Variants in IK observed in about 807,000 individuals in gnomAD.
IK encodes protein Red.
In IK, 47 loss-of-function variants were observed where a neutral mutation model predicts 90.9. The ratio of observed to expected loss-of-function variants is 0.52; its 90% confidence interval spans 0.41 to 0.66. IK has a LOEUF of 0.66. Among genes scored for constraint, IK ranks in the 30% least tolerant of loss-of-function variants. IK has a pLI of 0.00. For missense variants in IK, 385 were observed against 709.3 expected (o/e 0.54, Z 5.19); for synonymous variants, 201 against 227.5 (o/e 0.88, Z 1.05).
rs1007724119 is a variant in IK at position 140,657,494 on chromosome 5, T to G, written c.802-60T>G. ...GTCTTTAGTTTGTTAAGTGAATGAA[T>G]GAATAAATGAAGAGATTTCTGCTGA... On this transcript the variant is annotated intron_variant, in intron 9 of 19. Transcript: ENST00000417647. 1.3e-5 allele frequency: 15 copies of G among 1,153,672 alleles called. No individual in the cohort carries two copies. In the African/African-American group the frequency reaches 2.3e-4, roughly 18 times the overall value. The allele number at this position is 1,153,672 out of a possible 1,614,324, so 71.5% of individuals were successfully genotyped here. A position where few individuals can be genotyped will look rare whatever the true frequency, so the allele number is the denominator to read the frequency against.
intron 2 of IK, among the ~76,000 whole-genome samples, chr5:140,649,167 A>C (rs1581479214): frequency 6.7e-6 from 1 of 148,494 alleles, no homozygotes; most frequent in East Asian, 2.0e-4. Flanking sequence ...TAACATCCCC[A>C]ATTCCAGTCC....
chr5:140,660,410 G>A lies in IK; in HGVS notation c.1355+215G>A, dbSNP rs1757785756. On this transcript the variant is annotated intron_variant, in intron 15 of 19. Coordinates refer to ENST00000417647, the MANE Select transcript of IK (RefSeq NM_006083.4). ...TCTCCCGGGTTCAAGCGATTCTCCT[G>A]CCTCACCCTCCCAAGTAGCTGGGAT... 5.6e-6 allele frequency: 3 copies of A among 536,494 alleles called. No homozygotes were observed. In the South Asian group the frequency reaches 6.8e-5, roughly 12 times the overall value. The allele number at this position is 536,494 out of a possible 1,614,324, so 33.2% of individuals were successfully genotyped here.
rs79493817 is a variant in IK at position 140,651,438 on chromosome 5, T to TAAA, written c.84-261_84-259dup. 7.6e-3 allele frequency among the ~76,000 whole-genome samples: 848 copies of TAAA among 111,936 alleles called. 5 individuals carry two copies. The highest frequency in any genetic ancestry group is 0.025 in the Middle Eastern group (4 of 162). The allele number at this position is 111,936 out of a possible 152,430, so 73.4% of individuals were successfully genotyped here. On this transcript the variant is annotated intron_variant, in intron 2 of 19. Coordinates refer to ENST00000417647, the MANE Select transcript of IK (RefSeq NM_006083.4). ...GGGGCAACAGAGGGAGACTCTGTCT[T>TAAA]AAAAAAAAAAAAAAAAAGCTGGGTG...
At position 140,661,151 on chromosome 5, in the gene IK, A is replaced by G; in HGVS notation, c.1413+336A>G. The G allele has an allele frequency of 6.5e-6, 2 of 308,270 alleles. No individual in the cohort carries two copies. Among genetic ancestry groups the G allele is most frequent in the Non-Finnish European group, 1.2e-5 (2 of 169,108 alleles). The allele number at this position is 308,270 out of a possible 1,614,324, so 19.1% of individuals were successfully genotyped here. A position where few individuals can be genotyped will look rare whatever the true frequency, so the allele number is the denominator to read the frequency against. On this transcript the variant is annotated intron_variant, in intron 16 of 19. Coordinates refer to ENST00000417647, the MANE Select transcript of IK (RefSeq NM_006083.4). This position sits in a 1 kb window ranked among gnomAD's most constrained non-coding sequence, Gnocchi z 4.2. ...TTGGAAAATAACTAAATTTTATTCT[A>G]GCCAGGATTGAAGTTTTCCTCTAAG...
In IK at chr5:140,648,472, T is replaced by G. The variant is rs1757537554; in HGVS notation, c.18T>G (p.Ser6Arg). 5 of 1,613,872 alleles carry G rather than the reference T, an allele frequency of 3.1e-6. No individual in the cohort carries two copies. The highest frequency in any genetic ancestry group is 4.2e-6 in the Non-Finnish European group (5 of 1,179,852). ...ATTAACGTCAATTTTTTTTGTCAGG[T>G]GAGCCGTTCTCCAACCCTTTGGCCC... MPERD[S>R]EPFSNPLAPD... Residue 6 changes from serine to arginine, a missense_variant and splice_region_variant, in exon 2 of 20, where the codon AGT becomes AGG. Around this residue, in one of 8 missense-constraint regions of IK, gnomAD observed 42 missense variants for 37.9 expected, o/e 1.11. Coordinates refer to ENST00000417647, the MANE Select transcript of IK (RefSeq NM_006083.4).
chr5:140,657,142 G>T (rs1220152610), intron 9 of IK, among the ~76,000 whole-genome samples: 1 of 152,226 alleles, frequency 6.6e-6, no homozygotes, highest in Admixed American at 6.5e-5. Context: ...GGTGGAGGTT[G>T]CAGTGAGCCA....
chr5:140,648,598 G>T (rs1368255185), intron 2 of IK, 61 bp downstream of exon 2: 4 of 1,448,866 alleles, frequency 2.8e-6, no homozygotes, highest in Non-Finnish European at 3.9e-6. Flanking sequence ...AAGTGGTGGT[G>T]ATGGTGAAAG....
rs190172827 is a variant in IK at position 140,658,610 on chromosome 5, G to A, written c.911-127G>A. 5.1e-3 allele frequency: 3,973 copies of A among 777,960 alleles called. 20 individuals are homozygous for A. Among genetic ancestry groups the A allele is most frequent in the Admixed American group, 7.9e-3 (367 of 46,724 alleles). The allele number at this position is 777,960 out of a possible 1,614,324, so 48.2% of individuals were successfully genotyped here. On this transcript the variant is annotated intron_variant, in intron 10 of 19. Transcript: ENST00000417647. ...GCTGGGATTACAGGCGTGAGCCACCGCACCCAGCCTTGACCCACGTTTTAA... is the reference window on the plus strand; with the variant it reads ...GCTGGGATTACAGGCGTGAGCCACCACACCCAGCCTTGACCCACGTTTTAA...
chr5:140,651,851 C>T (rs1337237245), intron 3 of IK, 45 bp downstream of exon 3: 4 of 1,215,550 alleles, frequency 3.3e-6, no homozygotes, highest in African/African-American at 3.0e-5. Flanking sequence ...TTGTTTCTTG[C>T]TCCTTCCTAT....
intron 6 of IK, 39 bp from the exon 7 acceptor site, chr5:140,654,477 A>G (rs1445724127): frequency 2.0e-6 from 3 of 1,494,780 alleles, no homozygotes; most frequent in Non-Finnish European, 2.7e-6. Flanking sequence ...CAATAAATAT[A>G]TAAAATGAGT....
At chr5:140,654,491 C>T (rs1023388128) in intron 6 of IK, 25 bp from the exon 7 acceptor site, 1 of 1,561,394 alleles carries the variant, frequency 6.4e-7, no homozygotes, top group Non-Finnish European at 8.7e-7. Flanking sequence ...AATGAGTGTC[C>T]TAACCCTGCT....
chr5:140,660,013 C>T, intron 14 of IK, 102 bp from the exon 15 acceptor site: 1 of 1,066,032 alleles, frequency 9.4e-7, no homozygotes, highest in Non-Finnish European at 1.4e-6. Context: ...ACAGCCCACT[C>T]AGAATTTTCA....
At chr5:140,651,070 T>C (rs1474624330) in intron 2 of IK, among the ~76,000 whole-genome samples, 2 of 152,180 alleles carry the variant, frequency 1.3e-5, no homozygotes, top group African/African-American at 4.8e-5. Flanking sequence ...TCATCAGCAT[T>C]ATATGAGAGA....
At chr5:140,654,151 G>C (rs1757667216) in intron 6 of IK, 99 bp downstream of exon 6, 2 of 729,146 alleles carry the variant, frequency 2.7e-6, no homozygotes, top group Admixed American at 4.7e-5. Context: ...AGTTCAGACT[G>C]AGTAGAAGAA....
At chr5:140,657,933 G>C (rs1263491871) in intron 10 of IK, among the ~76,000 whole-genome samples, 2 of 152,184 alleles carry the variant, frequency 1.3e-5, no homozygotes, top group Admixed American at 6.5e-5. Flanking sequence ...GAGATTTTTT[G>C]GTGAAAACCA....
In IK at chr5:140,654,997, A is replaced by G. The variant is rs183008901; in HGVS notation, c.637+270A>G. On this transcript the variant is annotated intron_variant, in intron 8 of 19. Coordinates refer to ENST00000417647, the MANE Select transcript of IK (RefSeq NM_006083.4). ...GCTAATTTTTTTTTTTATTTTTTGC[A>G]GAGATGGGGTTCTCTGTGTATTGCC... is the stretch of plus-strand genomic sequence containing the variant. Among the ~76,000 whole-genome samples, 411 of 151,670 alleles carry G rather than the reference A, an allele frequency of 2.7e-3. 2 individuals are homozygous for G. Among genetic ancestry groups the G allele is most frequent in the African/African-American group, 9.6e-3 (396 of 41,344 alleles).
chr5:140,651,667 A>G, intron 2 of IK, 47 bp from the exon 3 acceptor site: 2 of 918,206 alleles, frequency 2.2e-6, no homozygotes, highest in Non-Finnish European at 3.5e-6. Context: ...TTCCTTTTTC[A>G]TTTCTTATTG....
In IK at chr5:140,653,928, C is replaced by G. The variant is rs768376234; in HGVS notation, c.405-10C>G. On this transcript the variant is annotated splice_polypyrimidine_tract_variant and intron_variant, in intron 5 of 19. Transcript: ENST00000417647. ...AGTACTGTTCTTATGTGGCCTCTTT[C>G]ATTATACAGGGACAAATCAGCTGCA... 24 of 1,575,694 alleles carry G rather than the reference C, an allele frequency of 1.5e-5. No individual in the cohort carries two copies. The East Asian group carries it at 5.1e-4, about 34-fold the overall frequency.
intron 12 of IK, 30 bp from the exon 13 acceptor site, chr5:140,659,285 C>T: frequency 7.4e-6 from 12 of 1,613,852 alleles, no homozygotes; most frequent in Non-Finnish European, 1.0e-5. Context: ...CTCATGGTAA[C>T]ACTAACTTCA....
Sources: allele counts gnomAD v4.1 joint callset (sites outside exome capture counted in the v4.1 genomes callset), GRCh38; gene constraint gnomAD v4.1.1; regional missense constraint gnomAD v4.1.1; non-coding constraint Gnocchi (gnomAD v3.1); transcripts MANE v1.5; gene names NCBI Gene and HGNC (gene_info 2026-07-23, HGNC 2026-07-21).